ADGRL2: variants seen among roughly 807,000 people sequenced by gnomAD.
ADGRL2 encodes adhesion G protein-coupled receptor L2.
A neutral mutation model predicts 157.4 loss-of-function variants in ADGRL2; 44 were observed. The ratio of observed to expected loss-of-function variants is 0.28; its 90% CI spans 0.22 to 0.36. ADGRL2 has a LOEUF of 0.36. ADGRL2 is among the 10% of genes least tolerant of loss of function. ADGRL2 has a pLI of 1.00. For synonymous variants in ADGRL2, 585 were observed against 624.7 expected, an observed-to-expected ratio of 0.94 and a Z score of 0.95; for missense variants, 1,510 against 1,768.9, an observed-to-expected ratio of 0.85 and a Z score of 2.63.
At chr1:81,342,158 A>C (rs1662120339) in intron 1 of ADGRL2, among the ~76,000 whole-genome samples, 1 of 152,292 alleles carries the variant, frequency 6.6e-6, no homozygotes, top group African/African-American at 2.4e-5. Flanking sequence ...ACAGCAGATA[A>C]CCATTTTAAG....
At chr1:81,407,570 C>T (rs151305733) in intron 1 of ADGRL2, among the ~76,000 whole-genome samples, 1 of 152,352 alleles carries the variant, frequency 6.6e-6, no homozygotes, top group East Asian at 1.9e-4. Flanking sequence ...AACAATGATT[C>T]TCTTAAACCT....
At chr1:81,489,793 A>G (rs1354778883) in intron 2 of ADGRL2, among the ~76,000 whole-genome samples, 2 of 152,244 alleles carry the variant, frequency 1.3e-5, no homozygotes, top group Non-Finnish European at 2.9e-5. Context: ...GAGGCCCAAC[A>G]GCAGTGGGCC....
At chr1:81,343,040 A>G (rs1307332544) in intron 1 of ADGRL2, among the ~76,000 whole-genome samples, 3 of 151,382 alleles carry the variant, frequency 2.0e-5, no homozygotes, top group Non-Finnish European at 1.5e-5. Flanking sequence ...GCTTACTATT[A>G]TTATACAACA....
intron 3 of ADGRL2, among the ~76,000 whole-genome samples, chr1:81,673,611 T>C (rs948031193): frequency 6.7e-6 from 1 of 148,464 alleles, no homozygotes; most frequent in African/African-American, 2.5e-5. Flanking sequence ...GCCTCCCGGG[T>C]TCACACCATT....
intron 1 of ADGRL2, among the ~76,000 whole-genome samples, chr1:81,322,109 T>TATATATAC (rs71592379): frequency 0.018 from 2,343 of 129,696 alleles, 52 homozygotes; most frequent in African/African-American, 0.04. Context: ...TATATATATA[T>TATATATAC]ACACATATAT....
chr1:81,472,178 G>T (rs1327353605), intron 2 of ADGRL2, among the ~76,000 whole-genome samples: 1 of 152,100 alleles, frequency 6.6e-6, no homozygotes, highest in Non-Finnish European at 1.5e-5. Flanking sequence ...AAAAAATATT[G>T]TCTTTATCTG....
intron 3 of ADGRL2, among the ~76,000 whole-genome samples, chr1:81,930,238 T>C (rs552016166): frequency 2.0e-5 from 3 of 152,186 alleles, no homozygotes; most frequent in Non-Finnish European, 4.4e-5. Context: ...TTGTTTTCAT[T>C]AATATTTCAT....
At chr1:81,700,099 C>T (rs2083530546) in intron 1 of ADGRL2, among the ~76,000 whole-genome samples, 1 of 152,334 alleles carries the variant, frequency 6.6e-6, no homozygotes, top group South Asian at 2.1e-4. Flanking sequence ...GTCAAAGCAG[C>T]TCATCTCCCG....
chr1:81,950,133 CTGTA>C (rs964587128), intron 6 of ADGRL2, 52 bp from the exon 7 acceptor site: 58 of 1,430,726 alleles, frequency 4.1e-5, no homozygotes, highest in African/African-American at 2.1e-4. Flanking sequence ...GTGTGCATGA[CTGTA>C]TGTGAGTGCA....
At chr1:81,782,280 A>C (rs984961208) in intron 2 of ADGRL2, among the ~76,000 whole-genome samples, 1 of 152,164 alleles carries the variant, frequency 6.6e-6, no homozygotes, top group Non-Finnish European at 1.5e-5. Flanking sequence ...CCTTCTTCTT[A>C]TTGAATTAAA....
chr1:81,676,714 T>C (rs892897280), intron 3 of ADGRL2, among the ~76,000 whole-genome samples: 3 of 151,892 alleles, frequency 2.0e-5, no homozygotes, highest in African/African-American at 7.3e-5. Flanking sequence ...TTGAGACGAG[T>C]CTTGCTCTGT....
intron 1 of ADGRL2, among the ~76,000 whole-genome samples, chr1:81,371,393 A>C (rs1238603039): frequency 6.6e-6 from 1 of 152,232 alleles, no homozygotes; most frequent in Non-Finnish European, 1.5e-5. Flanking sequence ...TAAGGAAAGA[A>C]AAGTATCAAT....
intron 2 of ADGRL2, among the ~76,000 whole-genome samples, chr1:81,787,335 C>A (rs1031327545): frequency 1.3e-5 from 2 of 152,068 alleles, no homozygotes; most frequent in East Asian, 3.9e-4. Flanking sequence ...GTCAAGGCAC[C>A]TTTCATGTAG....
intron 3 of ADGRL2, among the ~76,000 whole-genome samples, chr1:81,615,405 T>C (rs2081623254): frequency 6.6e-6 from 1 of 152,232 alleles, no homozygotes; most frequent in East Asian, 1.9e-4. Context: ...TAAATCTTGC[T>C]GCTGCTCACT....
chr1:81,888,588 G>A (rs961933054), intron 2 of ADGRL2, among the ~76,000 whole-genome samples: 12 of 151,992 alleles, frequency 7.9e-5, no homozygotes, highest in East Asian at 1.9e-4. Flanking sequence ...ACAGGCGCCC[G>A]CCACCGCGCC....
At chr1:81,517,041 G>C (rs1201176044) in intron 2 of ADGRL2, among the ~76,000 whole-genome samples, 1 of 152,026 alleles carries the variant, frequency 6.6e-6, no homozygotes, top group Non-Finnish European at 1.5e-5. Context: ...ATTTCAGCCA[G>C]AGGTCATATT....
At chr1:81,486,248 T>C (rs1021561487) in intron 2 of ADGRL2, among the ~76,000 whole-genome samples, 1 of 152,120 alleles carries the variant, frequency 6.6e-6, no homozygotes, top group African/African-American at 2.4e-5. Flanking sequence ...TTCATAGACA[T>C]CTTCTGTTTA....
At chr1:81,882,918 C>T (rs2094025214) in intron 2 of ADGRL2, among the ~76,000 whole-genome samples, 1 of 152,206 alleles carries the variant, frequency 6.6e-6, no homozygotes. Context: ...ATTGCCTATA[C>T]AATACAGTCC....
chr1:81,809,253 T>C (rs1449959734), intron 1 of ADGRL2, among the ~76,000 whole-genome samples: 2 of 151,962 alleles, frequency 1.3e-5, no homozygotes. Flanking sequence ...TAAAAAGTCT[T>C]TGGAGGACTT....
Sources: gnomAD v4.1 joint callset for allele counts (sites outside exome capture counted in the v4.1 genomes callset) on GRCh38, gnomAD v4.1.1 for gene constraint, MANE v1.5 for transcripts, NCBI Gene and HGNC (gene_info 2026-07-23, HGNC 2026-07-21) for gene names.